Variants in CNTN5 observed in about 807,000 individuals in gnomAD.
CNTN5 encodes contactin 5.
A neutral mutation model predicts 129.1 loss-of-function variants in CNTN5; 77 were observed. The ratio of observed to expected loss-of-function variants is 0.60; its 90% CI spans 0.50 to 0.72. CNTN5 has a LOEUF of 0.72. CNTN5 is among the 30% of genes least tolerant of loss of function. The probability of loss-of-function intolerance (pLI) is 0.00; values close to 1 mark genes in which losing one functional copy is unlikely to be tolerated. For synonymous variants in CNTN5, 509 were observed against 465.6 expected (o/e 1.09, Z -1.20); for missense variants, 1,478 against 1,328.8 (o/e 1.11, Z -1.75).
At chr11:99,283,464 A>G (rs1863792031) in intron 1 of CNTN5, among the ~76,000 whole-genome samples, 1 of 151,992 alleles carries the variant, frequency 6.6e-6, no homozygotes. Flanking sequence ...TTTTGTTAAG[A>G]GTTGTAGGAA....
At chr11:99,738,836 G>A (rs4282957) in intron 3 of CNTN5, among the ~76,000 whole-genome samples, 34,235 of 151,920 alleles carry the variant, frequency 0.23, 4,227 homozygotes, top group Admixed American at 0.35. Context: ...TAATAAGGTG[G>A]CTTTTTAAAA....
chr11:99,670,627 T>A (rs1952994048), intron 3 of CNTN5, among the ~76,000 whole-genome samples: 1 of 152,174 alleles, frequency 6.6e-6, no homozygotes. Flanking sequence ...CCAGTGATGT[T>A]CACCATTTTC....
chr11:99,503,461 AGCTAT>A (rs1946500357), intron 2 of CNTN5, among the ~76,000 whole-genome samples: 1 of 152,232 alleles, frequency 6.6e-6, no homozygotes, highest in South Asian at 2.1e-4. Flanking sequence ...ACCACCTAAG[AGCTAT>A]GCATTCTCCC....
intron 3 of CNTN5, among the ~76,000 whole-genome samples, chr11:99,693,157 C>A (rs1480650338): frequency 6.6e-6 from 1 of 152,054 alleles, no homozygotes; most frequent in Non-Finnish European, 1.5e-5. Flanking sequence ...GTAATGTAGT[C>A]TTCAAAGAAA....
intron 7 of CNTN5, among the ~76,000 whole-genome samples, chr11:99,955,568 CTTTTTT>C (rs77724981): frequency 6.7e-6 from 1 of 150,340 alleles, no homozygotes; most frequent in Non-Finnish European, 1.5e-5. Flanking sequence ...GTAATTTCCC[CTTTTTT>C]TTTGAGACAG....
At chr11:100,083,712 A>G (rs1944448775) in intron 13 of CNTN5, among the ~76,000 whole-genome samples, 2 of 152,194 alleles carry the variant, frequency 1.3e-5, no homozygotes, top group African/African-American at 4.8e-5. Flanking sequence ...TAGTATAACG[A>G]TGATCACAAA....
intron 1 of CNTN5, among the ~76,000 whole-genome samples, chr11:99,152,114 C>T (rs1860088891): frequency 6.6e-6 from 1 of 152,148 alleles, no homozygotes; most frequent in African/African-American, 2.4e-5. Flanking sequence ...AACACTACCT[C>T]TTGTAATTAA....
chr11:100,217,808 C>A (rs1027650919), intron 15 of CNTN5, among the ~76,000 whole-genome samples: 1 of 152,138 alleles, frequency 6.6e-6, no homozygotes, highest in Non-Finnish European at 1.5e-5. Context: ...GAGGAGATTT[C>A]AAGAGAAAGT....
intron 9 of CNTN5, among the ~76,000 whole-genome samples, chr11:100,055,292 T>C (rs2137767964): frequency 6.6e-6 from 1 of 151,822 alleles, no homozygotes; most frequent in East Asian, 1.9e-4. Context: ...TTCTTTTTTT[T>C]CATTACATGC....
chr11:99,591,077 C>T (rs1949963967), intron 3 of CNTN5, among the ~76,000 whole-genome samples: 1 of 152,096 alleles, frequency 6.6e-6, no homozygotes, highest in Non-Finnish European at 1.5e-5. Context: ...GCTGCTGCTG[C>T]CTTTGATGTA....
intron 18 of CNTN5, among the ~76,000 whole-genome samples, chr11:100,280,173 T>G (rs1050877041): frequency 6.6e-6 from 1 of 151,932 alleles, no homozygotes; most frequent in African/African-American, 2.4e-5. Context: ...GGATAAAATG[T>G]TTTGAAAATA....
At chr11:100,282,206 G>T (rs1196526408) in intron 18 of CNTN5, among the ~76,000 whole-genome samples, 1 of 152,124 alleles carries the variant, frequency 6.6e-6, no homozygotes, top group East Asian at 1.9e-4. Flanking sequence ...AGTTTTTGCA[G>T]GCTGGGCTTG....
chr11:99,131,611 A>T (rs997035479), intron 1 of CNTN5, among the ~76,000 whole-genome samples: 9 of 152,220 alleles, frequency 5.9e-5, no homozygotes, highest in Non-Finnish European at 1.0e-4. Flanking sequence ...ATCAGAGAAT[A>T]CTATAAACAC....
chr11:99,600,142 G>C (rs1031019762), intron 3 of CNTN5, among the ~76,000 whole-genome samples: 4 of 152,046 alleles, frequency 2.6e-5, no homozygotes, highest in Non-Finnish European at 5.9e-5. Flanking sequence ...AAAATGTGCT[G>C]TGATGGACAC....
At chr11:100,337,351 C>A (rs546485261) in intron 21 of CNTN5, 69 of 841,380 alleles carry the variant, frequency 8.2e-5, no homozygotes, top group Non-Finnish European at 1.1e-4. Flanking sequence ...TCGATGCACA[C>A]ATGATCACAA....
At chr11:100,223,396 G>A (rs1949307277) in intron 15 of CNTN5, among the ~76,000 whole-genome samples, 1 of 152,074 alleles carries the variant, frequency 6.6e-6, no homozygotes, top group Non-Finnish European at 1.5e-5. Flanking sequence ...AAATATTTAT[G>A]ATTTGAGTGA....
At chr11:99,547,327 C>G (rs1220905997) in intron 2 of CNTN5, among the ~76,000 whole-genome samples, 1 of 152,052 alleles carries the variant, frequency 6.6e-6, no homozygotes, top group Non-Finnish European at 1.5e-5. Context: ...ATTAGCTGAG[C>G]TATAAATGTT....
At chr11:99,096,267 G>T (rs1469058750) in intron 1 of CNTN5, among the ~76,000 whole-genome samples, 1 of 151,746 alleles carries the variant, frequency 6.6e-6, no homozygotes, top group Non-Finnish European at 1.5e-5. Flanking sequence ...GATAAAATTT[G>T]TTCATTTCTG....
chr11:100,213,009 T>C (rs770063927), intron 15 of CNTN5, among the ~76,000 whole-genome samples: 4 of 152,102 alleles, frequency 2.6e-5, no homozygotes, highest in African/African-American at 7.2e-5. Context: ...TTATTCCCCA[T>C]GGCAGAAACA....
Sources: allele counts gnomAD v4.1 joint callset (sites outside exome capture counted in the v4.1 genomes callset), GRCh38; gene constraint gnomAD v4.1.1; transcripts MANE v1.5; gene names NCBI Gene and HGNC (gene_info 2026-07-23, HGNC 2026-07-21).